Variants in CCSER1 observed in about 807,000 individuals in gnomAD.
CCSER1 encodes the protein serine-rich coiled-coil domain-containing protein 1.
CCSER1 carries 41 observed loss-of-function variants against 82.0 expected under a neutral mutation model. The ratio of observed to expected loss-of-function variants is 0.50; its 90% CI spans 0.39 to 0.65. The LOEUF (loss-of-function observed/expected upper bound fraction) is 0.65. Among genes scored for constraint, CCSER1 ranks in the 30% least tolerant of loss-of-function variants. CCSER1 has a pLI of 0.00. For synonymous variants in CCSER1, 414 were observed against 383.9 expected (o/e 1.08, Z -0.92); for missense variants, 1,119 against 1,064.2 (o/e 1.05, Z -0.72).
intron 9 of CCSER1, among the ~76,000 whole-genome samples, chr4:90,939,334 G>A (rs991826466): frequency 1.3e-5 from 2 of 152,130 alleles, no homozygotes; most frequent in African/African-American, 4.8e-5. Flanking sequence ...TGGTTTATTG[G>A]AAATTAACCT....
intron 10 of CCSER1, among the ~76,000 whole-genome samples, chr4:91,104,099 A>C (rs1020667044): frequency 6.6e-6 from 1 of 152,122 alleles, no homozygotes; most frequent in Non-Finnish European, 1.5e-5. Flanking sequence ...TAGGGTTGGG[A>C]AACTCTGCCC....
intron 10 of CCSER1, among the ~76,000 whole-genome samples, chr4:91,119,216 G>GA (rs1726883447): frequency 6.6e-6 from 1 of 152,080 alleles, no homozygotes; most frequent in South Asian, 2.1e-4. Context: ...GAGCAAAGGA[G>GA]AAAAAAGATT....
At chr4:91,433,656 T>C (rs1410837204) in intron 10 of CCSER1, among the ~76,000 whole-genome samples, 1 of 152,238 alleles carries the variant, frequency 6.6e-6, no homozygotes, top group Non-Finnish European at 1.5e-5. Context: ...TACGGGTTTG[T>C]AGCCTAGAAG....
At chr4:90,931,168 CAT>C (rs961143760) in intron 9 of CCSER1, among the ~76,000 whole-genome samples, 113 of 151,124 alleles carry the variant, frequency 7.5e-4, no homozygotes, top group African/African-American at 2.6e-3. Context: ...TACACACACA[CAT>C]GCACATATAT....
chr4:90,235,656 G>GTGTAAAT (rs1377387408), intron 1 of CCSER1, among the ~76,000 whole-genome samples: 3 of 152,048 alleles, frequency 2.0e-5, no homozygotes, highest in Non-Finnish European at 4.4e-5. Context: ...TACTATGCAA[G>GTGTAAAT]TGTAAATAGC....
At chr4:90,209,615 A>G (rs1380632863) in intron 1 of CCSER1, among the ~76,000 whole-genome samples, 1 of 152,268 alleles carries the variant, frequency 6.6e-6, no homozygotes, top group East Asian at 1.9e-4. Flanking sequence ...ATTTTATTTG[A>G]GAACAATGGA....
intron 1 of CCSER1, among the ~76,000 whole-genome samples, chr4:90,307,550 A>T (rs973588169): frequency 2.6e-5 from 4 of 151,750 alleles, no homozygotes; most frequent in Admixed American, 6.6e-5. Context: ...CCTATTGTAA[A>T]TGACGAGTTA....
At chr4:91,220,556 A>G (rs777765162) in intron 10 of CCSER1, among the ~76,000 whole-genome samples, 1 of 152,206 alleles carries the variant, frequency 6.6e-6, no homozygotes, top group Non-Finnish European at 1.5e-5. Context: ...AATAAGTGAT[A>G]TGGGTTAAAG....
intron 5 of CCSER1, among the ~76,000 whole-genome samples, chr4:90,495,808 A>G (rs114443212): frequency 0.015 from 2,315 of 152,296 alleles, 38 homozygotes; most frequent in African/African-American, 0.045. Context: ...TCTAGATTAT[A>G]AATAGATATT....
At chr4:90,470,223 A>G (rs1764181429) in intron 5 of CCSER1, among the ~76,000 whole-genome samples, 1 of 151,942 alleles carries the variant, frequency 6.6e-6, no homozygotes, top group Non-Finnish European at 1.5e-5. Context: ...TCTCCATTAT[A>G]TTTTCTTATT....
chr4:91,484,566 G>A (rs1345715606), intron 10 of CCSER1, among the ~76,000 whole-genome samples: 1 of 151,990 alleles, frequency 6.6e-6, no homozygotes, highest in Non-Finnish European at 1.5e-5. Context: ...GGTAAACATT[G>A]CCTAAAAGTT....
rs529138111 is a variant in CCSER1 at position 91,234,359 on chromosome 4, A to C, written c.2217+148365A>C. 1.8e-4 allele frequency among the ~76,000 whole-genome samples: 27 copies of C among 152,078 alleles called. No individual in the cohort carries two copies. The East Asian group carries it at 4.6e-3, about 26-fold the overall frequency. On this transcript the variant is annotated intron_variant, in intron 10 of 10. Transcript: ENST00000509176. ...TCAATTTGCTTTTTTTCCCCTTCTT[A>C]TTCCACCATGGCTCTAATAGATGTT...
intron 7 of CCSER1, among the ~76,000 whole-genome samples, chr4:90,775,860 TATCACTGAGGA>T (rs993850860): frequency 1.3e-5 from 2 of 151,836 alleles, no homozygotes; most frequent in Admixed American, 1.3e-4. Flanking sequence ...TTCCTTAGCC[TATCACTGAGGA>T]AAATGTCTCC....
chr4:90,403,119 C>CAT (rs200667350), intron 4 of CCSER1, among the ~76,000 whole-genome samples: 1,546 of 152,256 alleles, frequency 0.01, 17 homozygotes, highest in South Asian at 0.03. Flanking sequence ...GCAGCAAACA[C>CAT]GTTTATATAC....
At chr4:90,791,603 C>A (rs1322100025) in intron 7 of CCSER1, among the ~76,000 whole-genome samples, 1 of 152,096 alleles carries the variant, frequency 6.6e-6, no homozygotes, top group Non-Finnish European at 1.5e-5. Flanking sequence ...GTAATCCCAG[C>A]ACTTTGGGAG....
chr4:90,957,390 G>A (rs1733573971), intron 9 of CCSER1, among the ~76,000 whole-genome samples: 1 of 145,952 alleles, frequency 6.9e-6, no homozygotes, highest in Admixed American at 7.0e-5. Context: ...GTGAGCCACC[G>A]TGCCTAGCCC....
intron 9 of CCSER1, among the ~76,000 whole-genome samples, chr4:90,985,489 G>A (rs908665215): frequency 1.3e-5 from 2 of 151,664 alleles, no homozygotes; most frequent in Admixed American, 1.3e-4. Context: ...TGGCAAAAGT[G>A]AAATTCCAAA....
intron 3 of CCSER1, among the ~76,000 whole-genome samples, chr4:90,398,774 C>T (rs1752392049): frequency 6.6e-6 from 1 of 152,076 alleles, no homozygotes; most frequent in African/African-American, 2.4e-5. Context: ...GAGAAAGAAG[C>T]ACTTAGATTT....
At chr4:91,265,415 A>C (rs2149172334) in intron 10 of CCSER1, among the ~76,000 whole-genome samples, 1 of 152,256 alleles carries the variant, frequency 6.6e-6, no homozygotes, top group East Asian at 1.9e-4. Flanking sequence ...TAAGAAAATA[A>C]TTTTTGATAA....
Sources: gnomAD v4.1 joint callset for allele counts (sites outside exome capture counted in the v4.1 genomes callset) on GRCh38, gnomAD v4.1.1 for gene constraint, MANE v1.5 for transcripts, NCBI Gene and HGNC (gene_info 2026-07-23, HGNC 2026-07-21) for gene names.